The following ZBTB7C variants were observed in gnomAD, a reference collection of about 807,000 sequenced individuals.
ZBTB7C encodes the protein zinc finger and BTB domain-containing protein 7C.
Under a neutral mutation model 25.7 loss-of-function variants are expected in ZBTB7C, and 8 were observed. The observed-to-expected ratio is 0.31, with a 90% CI of 0.18 to 0.56. The LOEUF is 0.56. Ranked by LOEUF, ZBTB7C falls within the 20% of genes least tolerant of loss-of-function variation. The pLI, the probability that ZBTB7C is intolerant of heterozygous loss-of-function variation, is 0.91. For missense variants in ZBTB7C, 824 were observed against 855.2 expected, an observed-to-expected ratio of 0.96 and a Z score of 0.46; for synonymous variants, 394 against 369.0, an observed-to-expected ratio of 1.07 and a Z score of -0.78.
chr18:48,300,356 G>C (rs976038558), intron 2 of ZBTB7C, among the ~76,000 whole-genome samples: 3 of 152,154 alleles, frequency 2.0e-5, no homozygotes, highest in Admixed American at 2.0e-4. Context: ...TCTCCCTTGT[G>C]AAACAGAGCT....
chr18:48,227,316 G>A, intron 2 of ZBTB7C, among the ~76,000 whole-genome samples: 1 of 152,152 alleles, frequency 6.6e-6, no homozygotes, highest in Non-Finnish European at 1.5e-5. Context: ...GCAGTTTAGA[G>A]GGCACCTTCA....
chr18:48,218,093 G>C (rs921262989), intron 2 of ZBTB7C, among the ~76,000 whole-genome samples: 5 of 152,126 alleles, frequency 3.3e-5, no homozygotes, highest in African/African-American at 1.2e-4. Flanking sequence ...AGGGTGCCTG[G>C]TTCAAAGTCA....
intron 2 of ZBTB7C, among the ~76,000 whole-genome samples, chr18:48,231,655 C>G (rs935352193): frequency 2.0e-5 from 3 of 152,182 alleles, no homozygotes; most frequent in African/African-American, 7.2e-5. Flanking sequence ...CAGGACCCAC[C>G]GATGGTGGGG....
intron 2 of ZBTB7C, among the ~76,000 whole-genome samples, chr18:48,315,714 A>G (rs72911515): frequency 0.14 from 21,792 of 152,126 alleles, 1,702 homozygotes; most frequent in Middle Eastern, 0.26. Flanking sequence ...GGGCTGCACA[A>G]TTGTGCTCCA....
At chr18:48,411,501 C>T (rs1019430085), upstream of ZBTB7C, among the ~76,000 whole-genome samples, 1 of 152,234 alleles carries the variant, frequency 6.6e-6, no homozygotes, top group Non-Finnish European at 1.5e-5. Context: ...TGCTTCCCTT[C>T]ATTAAAGGGT....
chr18:48,408,167 C>G (rs1599064048), intron 1 of ZBTB7C, among the ~76,000 whole-genome samples: 1 of 152,244 alleles, frequency 6.6e-6, no homozygotes, highest in East Asian at 1.9e-4. Flanking sequence ...CGGCCTTGCG[C>G]CCGCGCCGCG....
At chr18:48,380,123 CA>C (rs571946747) in intron 1 of ZBTB7C, among the ~76,000 whole-genome samples, 3 of 151,624 alleles carry the variant, frequency 2.0e-5, no homozygotes, top group South Asian at 4.2e-4. Flanking sequence ...TATAATTTGA[CA>C]AAAAAAATCT....
At chr18:48,338,003 G>A (rs1163222145) in intron 2 of ZBTB7C, among the ~76,000 whole-genome samples, 171 bp downstream of exon 2, 2 of 152,128 alleles carry the variant, frequency 1.3e-5, no homozygotes, top group African/African-American at 4.8e-5. Context: ...AAGCACATGG[G>A]GCAGAAACTA....
chr18:48,301,324 G>A (rs9950321), intron 2 of ZBTB7C, among the ~76,000 whole-genome samples: 26,833 of 152,096 alleles, frequency 0.18, 2,464 homozygotes, highest in African/African-American at 0.2. Flanking sequence ...ACAAAAATAC[G>A]AAAAATTAGC....
At chr18:48,140,888 C>T (rs2040321676) in intron 3 of ZBTB7C, among the ~76,000 whole-genome samples, 2 of 152,084 alleles carry the variant, frequency 1.3e-5, no homozygotes, top group Non-Finnish European at 2.9e-5. Context: ...GCCACTGCTG[C>T]CCTTGGCGGA....
chr18:48,334,388 G>A (rs1056793040), intron 2 of ZBTB7C, among the ~76,000 whole-genome samples: 2 of 152,166 alleles, frequency 1.3e-5, no homozygotes, highest in Admixed American at 6.5e-5. Context: ...TGAGTCCTAT[G>A]GCAGCACCAT....
chr18:48,121,993 G>A (rs1290496744), intron 3 of ZBTB7C, among the ~76,000 whole-genome samples: 1 of 152,202 alleles, frequency 6.6e-6, no homozygotes, highest in African/African-American at 2.4e-5. Flanking sequence ...GTGACATGCT[G>A]CAGTCCCTGG....
At chr18:48,361,369 A>G (rs2047101480) in intron 1 of ZBTB7C, among the ~76,000 whole-genome samples, 1 of 152,182 alleles carries the variant, frequency 6.6e-6, no homozygotes, top group South Asian at 2.1e-4. Context: ...GAGGGTAGGT[A>G]GCAGCCCCAG....
chr18:48,204,924 C>G (rs1295641344), intron 2 of ZBTB7C, among the ~76,000 whole-genome samples: 1 of 152,174 alleles, frequency 6.6e-6, no homozygotes, highest in Non-Finnish European at 1.5e-5. Flanking sequence ...CTCTTGGCCA[C>G]TAAGCAAAGA....
intron 2 of ZBTB7C, among the ~76,000 whole-genome samples, chr18:48,255,413 T>C (rs1450797799): frequency 6.6e-6 from 1 of 152,226 alleles, no homozygotes; most frequent in African/African-American, 2.4e-5. Flanking sequence ...TAAGAGGCCA[T>C]TGGTTTGGAC....
chr18:48,151,527 T>G (rs1443205964), intron 3 of ZBTB7C, among the ~76,000 whole-genome samples: 1 of 152,152 alleles, frequency 6.6e-6, no homozygotes, highest in Non-Finnish European at 1.5e-5. Flanking sequence ...CTCCTCACTC[T>G]AAAGATAAGG....
At chr18:48,352,180 G>A (rs1331405698) in intron 1 of ZBTB7C, among the ~76,000 whole-genome samples, 1 of 152,212 alleles carries the variant, frequency 6.6e-6, no homozygotes, top group African/African-American at 2.4e-5. Flanking sequence ...ACCTGGCATG[G>A]CAGCCACTTG....
chr18:48,135,180 T>C (rs967841793), intron 3 of ZBTB7C, among the ~76,000 whole-genome samples: 1 of 152,190 alleles, frequency 6.6e-6, no homozygotes, highest in African/African-American at 2.4e-5. Context: ...TCTCGTCTGA[T>C]TTCAGTTACT....
intron 2 of ZBTB7C, among the ~76,000 whole-genome samples, chr18:48,328,452 A>T (rs975096980): frequency 6.6e-6 from 1 of 152,134 alleles, no homozygotes; most frequent in African/African-American, 2.4e-5. Context: ...TTTTTTTCTG[A>T]TACAAAGCAG....
Sources: gnomAD v4.1 joint callset for allele counts (sites outside exome capture counted in the v4.1 genomes callset) on GRCh38, gnomAD v4.1.1 for gene constraint, MANE v1.5 for transcripts, NCBI Gene and HGNC (gene_info 2026-07-23, HGNC 2026-07-21) for gene names.